The following GLIS3 variants were observed in gnomAD, a reference collection of about 807,000 sequenced individuals.
GLIS3 encodes the protein zinc finger protein GLIS3.
GLIS3 carries 53 observed loss-of-function variants against 78.6 expected under a neutral mutation model. The ratio of observed to expected loss-of-function variants is 0.67; its 90% CI spans 0.54 to 0.85. The LOEUF is 0.85. GLIS3 is among the 40% of genes least tolerant of loss of function. The pLI is 0.00. For missense variants in GLIS3, 1,703 were observed against 1,231.1 expected (o/e 1.38, Z -5.74); for synonymous variants, 684 against 509.9 (o/e 1.34, Z -4.60).
chr9:4,101,084 C>T (rs1277571839), intron 4 of GLIS3, among the ~76,000 whole-genome samples: 1 of 152,200 alleles, frequency 6.6e-6, no homozygotes, highest in Non-Finnish European at 1.5e-5. Context: ...GAAAAAAGTA[C>T]TGGCCAAGGA....
chr9:4,321,010 G>A (rs548175561), intron 2 of GLIS3, among the ~76,000 whole-genome samples: 1 of 151,862 alleles, frequency 6.6e-6, no homozygotes. Context: ...TCTCTGCTTG[G>A]TCTAGACCCC....
intron 4 of GLIS3, among the ~76,000 whole-genome samples, chr9:4,096,194 G>A (rs879514753): frequency 3.3e-5 from 5 of 152,102 alleles, no homozygotes; most frequent in Non-Finnish European, 7.4e-5. Context: ...CACCAAAAGT[G>A]ACTTAAAATC....
At chr9:4,376,360 G>C in the GLIS3 span, among the ~76,000 whole-genome samples, 1 of 152,150 alleles carries the variant, frequency 6.6e-6, no homozygotes. Context: ...TGTTTTTCCT[G>C]GGGAGAGCCT....
In GLIS3 at chr9:4,061,865, G is replaced by A. The variant is rs191768723; in HGVS notation, c.1710+55903C>T. Among the ~76,000 whole-genome samples, 173 of 152,264 alleles carry A rather than the reference G, an allele frequency of 1.1e-3. 1 individual carries two copies. Among genetic ancestry groups the A allele is most frequent in the Admixed American group, 7.7e-3 (118 of 15,290 alleles). On this transcript the variant is annotated intron_variant, in intron 4 of 10. Coordinates refer to ENST00000381971, the MANE Select transcript of GLIS3 (RefSeq NM_001042413.2). ...GAGAACTGTCAATGCACATGTTACCGTGCTCCTCCTGGTTTATCAGTGTTC... is the reference window on the plus strand; with the variant it reads ...GAGAACTGTCAATGCACATGTTACCATGCTCCTCCTGGTTTATCAGTGTTC...
the GLIS3 span, among the ~76,000 whole-genome samples, chr9:4,409,594 G>T: frequency 6.6e-6 from 1 of 152,110 alleles, no homozygotes; most frequent in Admixed American, 6.5e-5. Context: ...GTCACAGGGT[G>T]ATGTCATAAA....
At chr9:3,914,297 CACCA>C (rs1824351999) in intron 6 of GLIS3, among the ~76,000 whole-genome samples, 1 of 151,274 alleles carries the variant, frequency 6.6e-6, no homozygotes, top group African/African-American at 2.4e-5. Context: ...AGCTGTACAC[CACCA>C]AATCTGGCTA....
chr9:4,285,748 C>A (rs1827933774), intron 2 of GLIS3: 1 of 429,226 alleles, frequency 2.3e-6, no homozygotes, highest in East Asian at 4.8e-5. Flanking sequence ...AGCTCTTACC[C>A]TTCCACCACA....
At chr9:4,011,510 C>A (rs1336813165) in intron 4 of GLIS3, among the ~76,000 whole-genome samples, 1 of 152,082 alleles carries the variant, frequency 6.6e-6, no homozygotes, top group Non-Finnish European at 1.5e-5. Flanking sequence ...TGCACGGTAC[C>A]CTCATTGATT....
intron 6 of GLIS3, among the ~76,000 whole-genome samples, chr9:3,931,530 G>A (rs191507201): frequency 6.6e-6 from 1 of 152,186 alleles, no homozygotes; most frequent in East Asian, 1.9e-4. Context: ...AAAAAGCCAA[G>A]ATCAGCTCAA....
rs75564360 is a variant in GLIS3 at position 4,118,524 on chromosome 9, G to A, written c.954C>T (p.Thr318=). Residue 318 remains threonine, a synonymous_variant, in exon 4 of 11, where the codon ACC becomes ACT. Coordinates refer to ENST00000381971, the MANE Select transcript of GLIS3 (RefSeq NM_001042413.2). The surrounding 1 kb of genome is among the most constrained non-coding windows in gnomAD (Gnocchi z 4.7). ...LSDGIGIDFN[T]IIRTSPTSLV... is the part of the protein sequence containing the mutation. ...AGGACGTGGGCGACGTGCGGATGAT[G>A]GTATTGAAATCTATCCCGATGCCAT... 2.8e-4 allele frequency: 444 copies of A among 1,614,222 alleles called. 1 individual carries two copies. In the African/African-American group the frequency reaches 5.4e-3, roughly 20 times the overall value.
the GLIS3 span, among the ~76,000 whole-genome samples, chr9:4,413,197 G>C: frequency 6.6e-6 from 1 of 152,214 alleles, no homozygotes; most frequent in Non-Finnish European, 1.5e-5. Flanking sequence ...CACTAACTCA[G>C]AGATTTTGGA....
Position 4,159,030 on chromosome 9 carries a change from G to GAC in GLIS3, c.389-33090_389-33089insGT, listed in dbSNP as rs1554719411. ...GCTTGGTATGCTAGAGAAAGGAGAA[G>GAC]AAGAAAAAAAAAAAAAAAAGCCAGG... On this transcript the variant is annotated intron_variant, in intron 2 of 10. Coordinates refer to ENST00000381971, the MANE Select transcript of GLIS3 (RefSeq NM_001042413.2). Among the ~76,000 whole-genome samples, 5 of 79,100 alleles carry GAC rather than the reference G, an allele frequency of 6.3e-5. No individual in the cohort carries two copies. In the East Asian group the frequency reaches 3.4e-3, roughly 54 times the overall value. 51.9% of individuals were successfully genotyped at this position (79,100 alleles called of 152,430 possible). A position where few individuals can be genotyped will look rare whatever the true frequency, so the allele number is the denominator to read the frequency against.
At chr9:3,891,543 T>A (rs1227843021) in intron 7 of GLIS3, among the ~76,000 whole-genome samples, 2 of 152,004 alleles carry the variant, frequency 1.3e-5, no homozygotes, top group Non-Finnish European at 2.9e-5. Context: ...AAAATAATTT[T>A]AAAAATAAAT....
chr9:4,485,084 G>A, the GLIS3 span, among the ~76,000 whole-genome samples: 1,565 of 151,578 alleles, frequency 0.01, 27 homozygotes, highest in African/African-American at 0.037. Context: ...GAGCCATCTC[G>A]GCTCACTGCA....
At chr9:4,052,946 G>A (rs2025809) in intron 4 of GLIS3, among the ~76,000 whole-genome samples, 102,245 of 150,454 alleles carry the variant, frequency 0.68, 34,887 homozygotes, top group East Asian at 0.98. Flanking sequence ...GTTTAATTTA[G>A]TATTTTAATT....
At chr9:4,201,484 G>T (rs1327055285) in intron 2 of GLIS3, among the ~76,000 whole-genome samples, 1 of 152,150 alleles carries the variant, frequency 6.6e-6, no homozygotes, top group Admixed American at 6.5e-5. Flanking sequence ...CTTCAGTGAA[G>T]TTTCAGGATA....
chr9:4,267,215 G>T (rs1187604757), intron 2 of GLIS3, among the ~76,000 whole-genome samples: 2 of 152,058 alleles, frequency 1.3e-5, no homozygotes, highest in African/African-American at 2.4e-5. Flanking sequence ...TTCTAAAGTG[G>T]GAGTGTTTTT....
At chr9:4,331,131 CTGTAAG>C (rs1563935647) in intron 2 of GLIS3, among the ~76,000 whole-genome samples, 1 of 28,098 alleles carries the variant, frequency 3.6e-5, no homozygotes, top group Non-Finnish European at 3.8e-4. Context: ...GTTCTAGAAG[CTGTAAG>C]TCTCAAGTTG....
At chr9:4,100,108 T>G (rs1417114885) in intron 4 of GLIS3, among the ~76,000 whole-genome samples, 1 of 152,224 alleles carries the variant, frequency 6.6e-6, no homozygotes, top group African/African-American at 2.4e-5. Context: ...TAAAAGGTCA[T>G]GGTATTCTCA....
Sources: allele counts gnomAD v4.1 joint callset (sites outside exome capture counted in the v4.1 genomes callset), GRCh38; gene constraint gnomAD v4.1.1; non-coding constraint Gnocchi (gnomAD v3.1); transcripts MANE v1.5; gene names NCBI Gene and HGNC (gene_info 2026-07-23, HGNC 2026-07-21).